The following UBE2G1 variants were observed in gnomAD, a reference collection of about 807,000 sequenced individuals.
The protein encoded by UBE2G1 is ubiquitin-conjugating enzyme E2 G1.
In UBE2G1, 5 loss-of-function variants were observed where a neutral mutation model predicts 22.7. The observed-to-expected ratio is 0.22, with a 90% CI of 0.12 to 0.46. UBE2G1 has a LOEUF of 0.46. UBE2G1 is among the 20% of genes least tolerant of loss of function. UBE2G1 has a pLI of 0.99. For missense variants in UBE2G1, 88 were observed against 203.9 expected, an observed-to-expected ratio of 0.43 and a Z score of 3.46; for synonymous variants, 74 against 67.5, an observed-to-expected ratio of 1.10 and a Z score of -0.47.
In UBE2G1 at chr17:4,282,849, T is replaced by C; in HGVS notation, c.499A>G (p.Thr167Ala). The change falls in exon 5 of 6, where the codon ACT becomes GCT. Residue 167 changes from threonine to alanine, a missense_variant. This residue lies in a region of UBE2G1 where 38 missense variants were observed against 132.9 expected (regional missense o/e 0.29). Transcript: ENST00000396981. ...VARCVRKSQE[T>A]AFE Reference sequence around the variant, plus strand: ...CTAAATAAATGTCACTCAAAAGCAGTCTCTTGGCTTTTTCTTACACAGCGG... The same window carrying C: ...CTAAATAAATGTCACTCAAAAGCAGCCTCTTGGCTTTTTCTTACACAGCGG... 1 of 1,612,432 alleles carries C rather than the reference T, an allele frequency of 6.2e-7. No individual in the cohort carries two copies. Among genetic ancestry groups the C allele is most frequent in the Non-Finnish European group, 8.5e-7 (1 of 1,179,298 alleles).
intron 1 of UBE2G1, among the ~76,000 whole-genome samples, chr17:4,350,814 CGAGGTCAGGAGGTCGAG>C (rs1385653596): frequency 6.6e-6 from 1 of 151,790 alleles, no homozygotes; most frequent in Non-Finnish European, 1.5e-5. Context: ...GGGCAGATCA[CGAGGTCAGGAGGTCGAG>C]ACCATCCTGG....
At chr17:4,275,969 C>T (rs141591977) in intron 5 of UBE2G1, among the ~76,000 whole-genome samples, 6 of 152,272 alleles carry the variant, frequency 3.9e-5, no homozygotes, top group Non-Finnish European at 8.8e-5. Flanking sequence ...ACTCACTCTC[C>T]TAACTCTCCT....
At chr17:4,281,780 C>T (rs1968895135) in intron 5 of UBE2G1, among the ~76,000 whole-genome samples, 1 of 152,000 alleles carries the variant, frequency 6.6e-6, no homozygotes, top group Non-Finnish European at 1.5e-5. Flanking sequence ...TCCTTTGGTG[C>T]TCTACACCTT....
chr17:4,340,767 A>AT (rs58562464), intron 1 of UBE2G1, among the ~76,000 whole-genome samples: 4,862 of 150,334 alleles, frequency 0.032, 283 homozygotes, highest in African/African-American at 0.11. Context: ...CCAACATACT[A>AT]TTTTTTTTTA....
chr17:4,326,933 G>A (rs1045673092), intron 1 of UBE2G1, among the ~76,000 whole-genome samples: 3 of 152,150 alleles, frequency 2.0e-5, no homozygotes, highest in Non-Finnish European at 2.9e-5. Context: ...AGGCCAAGGT[G>A]GGCAGATCAC....
chr17:4,365,690 G>A (rs1291214920), intron 1 of UBE2G1, among the ~76,000 whole-genome samples: 1 of 152,186 alleles, frequency 6.6e-6, no homozygotes, highest in Non-Finnish European at 1.5e-5. Flanking sequence ...CTCCGCCAGG[G>A]TCTCCGGCAC....
At chr17:4,281,509 G>A (rs1968891351) in intron 5 of UBE2G1, among the ~76,000 whole-genome samples, 1 of 152,114 alleles carries the variant, frequency 6.6e-6, no homozygotes, top group African/African-American at 2.4e-5. Flanking sequence ...TGATTTTTCA[G>A]ACAGTGTATT....
intron 1 of UBE2G1, among the ~76,000 whole-genome samples, chr17:4,325,595 C>G (rs1024813247): frequency 8.2e-4 from 124 of 152,076 alleles, no homozygotes; most frequent in African/African-American, 2.8e-3. Context: ...CAATGTAATC[C>G]CTGTATCAAA....
chr17:4,302,931 G>C (rs1969201950), intron 2 of UBE2G1, among the ~76,000 whole-genome samples: 1 of 152,170 alleles, frequency 6.6e-6, no homozygotes, highest in African/African-American at 2.4e-5. Flanking sequence ...ACAATGAAAG[G>C]TTTAGAAAAC....
At chr17:4,274,822 G>A (rs1370388204) in intron 5 of UBE2G1, among the ~76,000 whole-genome samples, 1 of 151,974 alleles carries the variant, frequency 6.6e-6, no homozygotes, top group Admixed American at 6.6e-5. Context: ...GGAGGCCAAG[G>A]TGGGAAGATT....
chr17:4,315,723 G>C (rs1222616564), intron 1 of UBE2G1, among the ~76,000 whole-genome samples: 4 of 147,994 alleles, frequency 2.7e-5, no homozygotes, highest in Admixed American at 6.8e-5. Flanking sequence ...CTGGGCGAAA[G>C]AGCGAGACTC....
intron 1 of UBE2G1, among the ~76,000 whole-genome samples, chr17:4,321,010 A>C (rs1050871469): frequency 6.6e-6 from 1 of 152,212 alleles, no homozygotes; most frequent in African/African-American, 2.4e-5. Flanking sequence ...TGCCATTGCC[A>C]GGCGGTGTGA....
chr17:4,279,510 G>A (rs371505267), intron 5 of UBE2G1, among the ~76,000 whole-genome samples: 1 of 152,026 alleles, frequency 6.6e-6, no homozygotes, highest in Non-Finnish European at 1.5e-5. Context: ...TATGAAAAGC[G>A]AAACAAAACA....
intron 1 of UBE2G1, among the ~76,000 whole-genome samples, chr17:4,350,987 C>G (rs1250678239): frequency 6.8e-6 from 1 of 147,948 alleles, no homozygotes. Flanking sequence ...GACCCGAGAT[C>G]TCACCACTGC....
At position 4,271,673 on chromosome 17, in the gene UBE2G1, A is replaced by G. The variant is rs1445068283; in HGVS notation, c.*881T>C. The G allele has an allele frequency of 6.7e-6, 1 of 149,314 alleles. No homozygotes were observed. The highest frequency in any genetic ancestry group is 1.5e-5 in the Non-Finnish European group (1 of 67,610). The allele number at this position is 149,314 out of a possible 1,614,324, so 9.2% of individuals were successfully genotyped here. ...GCCTGTAGCTGTGCATGCTTCATTT[A>G]TCCAACCTTAATACCAGGCAACTGA... On this transcript the variant is annotated 3_prime_UTR_variant, in exon 6 of 6. Coordinates refer to ENST00000396981, the MANE Select transcript of UBE2G1 (RefSeq NM_003342.5).
chr17:4,353,307 T>C (rs2143820221), intron 1 of UBE2G1, among the ~76,000 whole-genome samples: 1 of 152,138 alleles, frequency 6.6e-6, no homozygotes, highest in East Asian at 1.9e-4. Context: ...GTCACTTGCT[T>C]AAACAAGTAA....
Position 4,307,474 on chromosome 17 carries a change from G to A in UBE2G1, c.47-351C>T, listed in dbSNP as rs528449461. Among the ~76,000 whole-genome samples, 10 of 152,292 alleles carry A rather than the reference G, an allele frequency of 6.6e-5. No individual in the cohort carries two copies. The South Asian group carries it at 1.2e-3, about 19-fold the overall frequency. The stretch of plus-strand genomic sequence containing the variant: ...GAGGGAGCCCTGGAAATCAAATCAT[G>A]TTGGCAATTCTTATGCTGCTGTCTT... On this transcript the variant is annotated intron_variant, in intron 1 of 5. Coordinates refer to ENST00000396981, the MANE Select transcript of UBE2G1 (RefSeq NM_003342.5).
intron 1 of UBE2G1, among the ~76,000 whole-genome samples, chr17:4,317,937 G>A (rs1598192310): frequency 1.3e-5 from 2 of 152,102 alleles, no homozygotes; most frequent in South Asian, 2.1e-4. Flanking sequence ...CTTTGATCTC[G>A]CCTATTTTAT....
At chr17:4,322,918 G>A (rs564901085) in intron 1 of UBE2G1, among the ~76,000 whole-genome samples, 1 of 152,282 alleles carries the variant, frequency 6.6e-6, no homozygotes, top group South Asian at 2.1e-4. Context: ...CCGAAGTGAT[G>A]GAGGTGAAAG....
Sources: gnomAD v4.1 joint callset for allele counts (sites outside exome capture counted in the v4.1 genomes callset) on GRCh38, gnomAD v4.1.1 for gene constraint, gnomAD v4.1.1 regional missense constraint, MANE v1.5 for transcripts, NCBI Gene and HGNC (gene_info 2026-07-23, HGNC 2026-07-21) for gene names.